The following PGAP1 variants were observed in gnomAD, a reference collection of about 807,000 sequenced individuals.
PGAP1 encodes GPI inositol-deacylase.
In PGAP1, 76 loss-of-function variants were observed where a neutral mutation model predicts 127.0. That is an observed-to-expected ratio of 0.60 (90% CI 0.50 to 0.72). The LOEUF is 0.72. PGAP1 is among the 30% of genes least tolerant of loss of function. PGAP1 has a pLI of 0.00. For missense variants in PGAP1, 982 were observed against 1,071.3 expected (o/e 0.92, Z 1.16); for synonymous variants, 362 against 366.5 (o/e 0.99, Z 0.14).
chr2:196,885,328 T>C (rs1242554512), intron 12 of PGAP1, 96 bp downstream of exon 12: 3 of 788,624 alleles, frequency 3.8e-6, no homozygotes, highest in Admixed American at 5.0e-5. Flanking sequence ...GTTTATTTAA[T>C]ACCAAGATAA....
chr2:196,887,211 C>T (rs1286099717), intron 10 of PGAP1, among the ~76,000 whole-genome samples: 1 of 151,948 alleles, frequency 6.6e-6, no homozygotes, highest in Non-Finnish European at 1.5e-5. Context: ...GGTGAAACCC[C>T]GTCTCTGCTA....
At chr2:196,922,577 G>GACACACACACACACACACACACAC (rs59881211) in intron 1 of PGAP1, 1 of 365,914 alleles carries the variant, frequency 2.7e-6, no homozygotes, top group Non-Finnish European at 3.6e-6. Context: ...CACACACACA[G>GACACACACACACACACACACACAC]ACACACACAC....
rs773342814 is a variant in PGAP1, at chr2:196,845,870, G to A, written c.2286+12C>T. The A allele has an allele frequency of 1.3e-6, 2 of 1,587,600 alleles. No individual in the cohort carries two copies. Among genetic ancestry groups the A allele is most frequent in the Non-Finnish European group, 1.7e-6 (2 of 1,165,370 alleles). On this transcript the variant is annotated intron_variant, in intron 23 of 26. Coordinates refer to ENST00000354764, the MANE Select transcript of PGAP1 (RefSeq NM_024989.4). ...AAAGCTCAATCATTTTGGCTTTACTGATTTGACATACCTTAAACACATAGT... is the reference window on the plus strand; with the variant it reads ...AAAGCTCAATCATTTTGGCTTTACTAATTTGACATACCTTAAACACATAGT...
chr2:196,861,229 C>A (rs1387778112), intron 20 of PGAP1, among the ~76,000 whole-genome samples: 1 of 152,076 alleles, frequency 6.6e-6, no homozygotes, highest in African/African-American at 2.4e-5. Flanking sequence ...GAAACTACCA[C>A]AAGAATATAT....
chr2:196,924,468 T>C (rs1470873666), intron 1 of PGAP1, among the ~76,000 whole-genome samples: 4 of 152,172 alleles, frequency 2.6e-5, no homozygotes, highest in Non-Finnish European at 1.5e-5. Flanking sequence ...AAATGACTCA[T>C]TTCTATAGGC....
At chr2:196,864,493 GTCATAAATACTAGCAAATTAT>G (rs1037678384) in intron 20 of PGAP1, among the ~76,000 whole-genome samples, 1 of 149,456 alleles carries the variant, frequency 6.7e-6, no homozygotes, top group African/African-American at 2.5e-5. Flanking sequence ...CCCTTTTTAC[GTCATAAATACTAGCAAATTAT>G]TATATGAAGA....
At chr2:196,842,608 G>GC (rs1433730936) in intron 26 of PGAP1, 113 bp downstream of exon 26, 3 of 441,682 alleles carry the variant, frequency 6.8e-6, no homozygotes, top group Non-Finnish European at 1.2e-5. Context: ...TACTATTATG[G>GC]CTTTACTTTT....
chr2:196,847,454 T>C (rs1700591241), intron 21 of PGAP1: 1 of 247,308 alleles, frequency 4.0e-6, no homozygotes, highest in African/African-American at 2.3e-5. Flanking sequence ...GAAAGTAATA[T>C]GTTCTTTTTT....
chr2:196,855,559 C>T (rs1481231884), intron 20 of PGAP1, among the ~76,000 whole-genome samples: 3 of 152,072 alleles, frequency 2.0e-5, no homozygotes, highest in African/African-American at 7.2e-5. Flanking sequence ...GATTGACCAA[C>T]TGATAGTGTT....
At chr2:196,890,310 T>C (rs1702057289) in intron 10 of PGAP1, among the ~76,000 whole-genome samples, 1 of 152,132 alleles carries the variant, frequency 6.6e-6, no homozygotes, top group Admixed American at 6.6e-5. Flanking sequence ...GTGCCTAACA[T>C]AGTAGGTACT....
Position 196,835,207 on chromosome 2 carries a change from T to C in PGAP1, c.*6027A>G, listed in dbSNP as rs1700207956. The C allele has an allele frequency of 6.6e-6, 1 of 152,060 alleles. No individual in the cohort carries two copies. Among genetic ancestry groups the C allele is most frequent in the African/African-American group, 2.4e-5 (1 of 41,442 alleles). The allele number at this position is 152,060 out of a possible 1,614,324, so 9.4% of individuals were successfully genotyped here. On this transcript the variant is annotated 3_prime_UTR_variant, in exon 27 of 27. Coordinates refer to ENST00000354764, the MANE Select transcript of PGAP1 (RefSeq NM_024989.4). Reference sequence around the variant, plus strand: ...ACTTTAGTATTAATATCTTGTTTTATAATATTTTCCTTTAAGATACGCATA... The same window carrying C: ...ACTTTAGTATTAATATCTTGTTTTACAATATTTTCCTTTAAGATACGCATA...
At chr2:196,918,862 A>G (rs1703095276) in intron 2 of PGAP1, among the ~76,000 whole-genome samples, 1 of 152,180 alleles carries the variant, frequency 6.6e-6, no homozygotes, top group African/African-American at 2.4e-5. Context: ...TCTGTATGTA[A>G]TATTTCAAAT....
chr2:196,916,456 C>A lies in PGAP1; in HGVS notation c.439G>T (p.Val147Leu), dbSNP rs62185192. The change falls in exon 3 of 27, where the codon GTA becomes TTA. Residue 147 changes from valine to leucine, a missense_variant. Transcript: ENST00000354764. The stretch of plus-strand genomic sequence containing the variant: ...AGAATTGTTTTAATACATTCATGTA[C>A]AAACTTGGTCTGCTTCTGAAGACTT... ...GGSLQKQTKF[V>L]HECIKTILKL... The A allele has an allele frequency of 1.2e-6, 2 of 1,612,916 alleles. No homozygotes were observed. The highest frequency in any genetic ancestry group is 2.2e-5 in the South Asian group (2 of 90,884).
Position 196,846,169 on chromosome 2 carries a change from G to A in PGAP1, c.2151-152C>T, listed in dbSNP as rs114373857. 3.2e-3 allele frequency: 1,409 copies of A among 441,076 alleles called. 23 individuals carry two copies. Among genetic ancestry groups the A allele is most frequent in the African/African-American group, 0.027 (1,307 of 49,104 alleles). The allele number at this position is 441,076 out of a possible 1,614,324, so 27.3% of individuals were successfully genotyped here. ...CAAGGTATTTTTTAAATAAAGGCAA[G>A]TGGTCCCAAATATTTGATTTTAAGT... On this transcript the variant is annotated intron_variant, in intron 22 of 26. Transcript: ENST00000354764.
chr2:196,844,399 T>G (rs1289364161), intron 24 of PGAP1, 125 bp downstream of exon 24: 1 of 607,692 alleles, frequency 1.6e-6, no homozygotes, highest in Admixed American at 3.6e-5. Context: ...AGGTTCACTT[T>G]ACTTAAATTC....
intron 7 of PGAP1, among the ~76,000 whole-genome samples, chr2:196,894,898 A>C (rs1378301890): frequency 1.3e-5 from 2 of 152,328 alleles, no homozygotes; most frequent in African/African-American, 2.4e-5. Context: ...ACAAGTTTTT[A>C]GCTATGACTT....
At chr2:196,877,254 A>G (rs1056309753) in intron 13 of PGAP1, among the ~76,000 whole-genome samples, 1 of 152,104 alleles carries the variant, frequency 6.6e-6, no homozygotes, top group Non-Finnish European at 1.5e-5. Flanking sequence ...TAAATTCCAT[A>G]TTTGCATTTC....
rs149409704 is a variant in PGAP1, at chr2:196,870,463, A to G, written c.1767+478T>C. Among the ~76,000 whole-genome samples, 313 of 152,034 alleles carry G rather than the reference A, an allele frequency of 2.1e-3. 3 individuals carry two copies. The highest frequency in any genetic ancestry group is 7.2e-3 in the African/African-American group (297 of 41,488). ...AGGTGTATGCCAGCACGCCTGGCTA[A>G]TTTTTGTATTTTCAGTAGAGGTGGG... On this transcript the variant is annotated intron_variant, in intron 19 of 26. Coordinates refer to ENST00000354764, the MANE Select transcript of PGAP1 (RefSeq NM_024989.4).
intron 10 of PGAP1, among the ~76,000 whole-genome samples, chr2:196,887,282 G>A (rs1001784140): frequency 6.6e-6 from 1 of 152,064 alleles, no homozygotes; most frequent in Non-Finnish European, 1.5e-5. Context: ...TACTCAAGAG[G>A]CTGAGGCAGG....
Sources: gnomAD v4.1 joint callset for allele counts (sites outside exome capture counted in the v4.1 genomes callset) on GRCh38, gnomAD v4.1.1 for gene constraint, MANE v1.5 for transcripts, NCBI Gene and HGNC (gene_info 2026-07-23, HGNC 2026-07-21) for gene names.